The following HS3ST3B1 variants were observed in gnomAD, a reference collection of about 807,000 sequenced individuals.
HS3ST3B1 encodes the protein heparan sulfate-glucosamine 3-sulfotransferase 3B1.
HS3ST3B1 carries 13 observed loss-of-function variants against 21.3 expected under a neutral mutation model. That is an observed-to-expected ratio of 0.61 (90% CI 0.40 to 0.97). HS3ST3B1 has a LOEUF of 0.97. HS3ST3B1 is among the 50% of genes least tolerant of loss of function. The probability of loss-of-function intolerance (pLI) is 0.00; values close to 1 mark genes in which losing one functional copy is unlikely to be tolerated. For missense variants in HS3ST3B1, 459 were observed against 554.8 expected (o/e 0.83, Z 1.73); for synonymous variants, 234 against 254.8 (o/e 0.92, Z 0.78).
chr17:14,326,347 A>G (rs917466399), intron 1 of HS3ST3B1, among the ~76,000 whole-genome samples: 5 of 152,110 alleles, frequency 3.3e-5, no homozygotes, highest in Admixed American at 6.5e-5. Flanking sequence ...TTCTCAACAC[A>G]ACGAGAAGCT....
intron 1 of HS3ST3B1, among the ~76,000 whole-genome samples, chr17:14,302,301 C>G (rs1479953803): frequency 1.3e-5 from 2 of 152,176 alleles, no homozygotes; most frequent in African/African-American, 2.4e-5. Flanking sequence ...CACTGGTGCC[C>G]TTGAATTCAT....
Position 14,345,592 on chromosome 17 carries a change from G to T in HS3ST3B1, c.1119G>T (p.Arg373=), listed in dbSNP as rs755360402. ...TGCGCAGGCTGCGCGAGTTCTACCG[G>T]CCTTTCAACCTCAAGTTCTACCAGA... ...EVVRRLREFY[R]PFNLKFYQMT... is the part of the protein sequence containing the mutation. Residue 373 remains arginine, a synonymous_variant, in exon 2 of 2, where the codon CGG becomes CGT. Transcript: ENST00000360954. The T allele has an allele frequency of 6.2e-7, 1 of 1,606,030 alleles. No individual in the cohort carries two copies. Among genetic ancestry groups the T allele is most frequent in the African/African-American group, 1.3e-5 (1 of 75,006 alleles).
intron 1 of HS3ST3B1, among the ~76,000 whole-genome samples, chr17:14,308,740 ACT>A (rs1171874700): frequency 6.6e-6 from 1 of 152,010 alleles, no homozygotes; most frequent in African/African-American, 2.4e-5. Context: ...TTCAGCCCAG[ACT>A]CTCTCGCCAA....
At position 14,307,310 on chromosome 17, in the gene HS3ST3B1, T is replaced by C. The variant is rs956634076; in HGVS notation, c.554+5238T>C. ...TGAAAATTTACAATTTAGCATAGACTAGTATTTGTGAAAGATATTTTTCCA... is the reference window on the plus strand; with the variant it reads ...TGAAAATTTACAATTTAGCATAGACCAGTATTTGTGAAAGATATTTTTCCA... On this transcript the variant is annotated intron_variant, in intron 1 of 1. Coordinates refer to ENST00000360954, the MANE Select transcript of HS3ST3B1 (RefSeq NM_006041.3). Among the ~76,000 whole-genome samples, 36 of 152,104 alleles carry C rather than the reference T, an allele frequency of 2.4e-4. 2 individuals are homozygous for C. Among genetic ancestry groups the C allele is most frequent in the Non-Finnish European group, 8.8e-5 (6 of 68,016 alleles).
chr17:14,322,726 C>T (rs541996156), intron 1 of HS3ST3B1, among the ~76,000 whole-genome samples: 1 of 152,136 alleles, frequency 6.6e-6, no homozygotes, highest in African/African-American at 2.4e-5. Flanking sequence ...CTCTCTCCCC[C>T]ATTCACTGAC....
rs777953919 is a variant in HS3ST3B1 at position 14,345,617 on chromosome 17, A to G, written c.1144A>G (p.Met382Val). Residue 382 changes from methionine (M) to valine (V), a missense_variant, in exon 2 of 2, where the codon ATG becomes GTG. Around this residue, in one of 3 missense-constraint regions of HS3ST3B1, gnomAD observed 127 missense variants for 209.9 expected, o/e 0.60. Transcript: ENST00000360954. ...GCCTTTCAACCTCAAGTTCTACCAGATGACCGGGCACGACTTTGGCTGGGA... is the reference window on the plus strand; with the variant it reads ...GCCTTTCAACCTCAAGTTCTACCAGGTGACCGGGCACGACTTTGGCTGGGA... ...YRPFNLKFYQ[M>V]TGHDFGWD The G allele has an allele frequency of 1.2e-6, 2 of 1,613,204 alleles. No individual in the cohort carries two copies. Among genetic ancestry groups the G allele is most frequent in the Non-Finnish European group, 1.7e-6 (2 of 1,179,586 alleles).
intron 1 of HS3ST3B1, among the ~76,000 whole-genome samples, chr17:14,344,446 C>G (rs983037834): frequency 2.6e-5 from 4 of 152,126 alleles, no homozygotes; most frequent in Admixed American, 6.5e-5. Flanking sequence ...TACCTGATTT[C>G]ACTGGATTTT....
chr17:14,310,483 C>T (rs1909271619), intron 1 of HS3ST3B1, among the ~76,000 whole-genome samples: 2 of 152,180 alleles, frequency 1.3e-5, no homozygotes, highest in African/African-American at 4.8e-5. Flanking sequence ...TTTTTCCTCG[C>T]GTTTCTAAAG....
At chr17:14,318,343 G>T (rs1224120825) in intron 1 of HS3ST3B1, among the ~76,000 whole-genome samples, 4 of 152,138 alleles carry the variant, frequency 2.6e-5, no homozygotes, top group African/African-American at 4.8e-5. Context: ...CAGCGGGAGA[G>T]GGGATGAGGG....
At chr17:14,320,280 A>G (rs965405924) in intron 1 of HS3ST3B1, among the ~76,000 whole-genome samples, 3 of 152,172 alleles carry the variant, frequency 2.0e-5, no homozygotes, top group Non-Finnish European at 4.4e-5. Flanking sequence ...GGGGCGCTGC[A>G]CTGGGAAGGC....
chr17:14,328,503 T>A (rs1195669113), intron 1 of HS3ST3B1: 3 of 152,192 alleles, frequency 2.0e-5, no homozygotes, highest in African/African-American at 7.2e-5. Context: ...ATTGATGATG[T>A]CCAATTAGAG....
intron 1 of HS3ST3B1, among the ~76,000 whole-genome samples, chr17:14,335,048 G>A (rs1352806091): frequency 6.6e-6 from 1 of 152,122 alleles, no homozygotes; most frequent in Non-Finnish European, 1.5e-5. Flanking sequence ...GGGCTTCCTG[G>A]AAGGTAATGC....
At chr17:14,326,270 C>T (rs934386481) in intron 1 of HS3ST3B1, among the ~76,000 whole-genome samples, 2 of 152,044 alleles carry the variant, frequency 1.3e-5, no homozygotes, top group African/African-American at 4.8e-5. Flanking sequence ...TTGGAAAGAG[C>T]GAGGGAGGAA....
intron 1 of HS3ST3B1, among the ~76,000 whole-genome samples, chr17:14,319,174 A>G (rs7223327): frequency 0.019 from 2,874 of 152,312 alleles, 104 homozygotes; most frequent in African/African-American, 0.065. Flanking sequence ...AAGCTCAAGT[A>G]TAGTGGTGGA....
chr17:14,308,676 A>C (rs758393124), intron 1 of HS3ST3B1, among the ~76,000 whole-genome samples: 9 of 152,226 alleles, frequency 5.9e-5, no homozygotes, highest in East Asian at 5.8e-4. Flanking sequence ...TTTTGTTCTA[A>C]ATATGGCAAA....
chr17:14,313,067 C>T (rs1475027777), intron 1 of HS3ST3B1, among the ~76,000 whole-genome samples: 4 of 111,216 alleles, frequency 3.6e-5, no homozygotes, highest in South Asian at 3.6e-4. Flanking sequence ...ACACCACACC[C>T]AGCTAATTAT....
At chr17:14,305,785 C>G (rs955364716) in intron 1 of HS3ST3B1, among the ~76,000 whole-genome samples, 24 of 152,110 alleles carry the variant, frequency 1.6e-4, no homozygotes, top group African/African-American at 5.1e-4. Context: ...ATGGTGGTAG[C>G]TAACACTTAC....
intron 1 of HS3ST3B1, among the ~76,000 whole-genome samples, chr17:14,309,576 T>A (rs1202545811): frequency 6.6e-6 from 1 of 152,184 alleles, no homozygotes; most frequent in East Asian, 1.9e-4. Context: ...CCCGCCGGTG[T>A]TGGCCTGGCT....
intron 1 of HS3ST3B1, 62 bp from the exon 2 acceptor site, chr17:14,344,966 T>C: frequency 6.4e-7 from 1 of 1,570,364 alleles, no homozygotes; most frequent in East Asian, 2.2e-5. Context: ...GTCGTGACCT[T>C]AAGACGTGTG....
Sources: allele counts gnomAD v4.1 joint callset (sites outside exome capture counted in the v4.1 genomes callset), GRCh38; gene constraint gnomAD v4.1.1; regional missense constraint gnomAD v4.1.1; transcripts MANE v1.5; gene names NCBI Gene and HGNC (gene_info 2026-07-23, HGNC 2026-07-21).